GFI1B: variants seen among roughly 807,000 people sequenced by gnomAD.
The protein encoded by GFI1B is zinc finger protein Gfi-1b.
A neutral mutation model predicts 35.3 loss-of-function variants in GFI1B; 20 were observed. The ratio of observed to expected loss-of-function variants is 0.57; its 90% CI spans 0.40 to 0.82. The LOEUF (loss-of-function observed/expected upper bound fraction) is 0.82, where lower values mean the gene tolerates loss of function less well. Among genes scored for constraint, GFI1B ranks in the 40% least tolerant of loss-of-function variants. GFI1B has a pLI of 0.00. For missense variants in GFI1B, 430 were observed against 446.3 expected (o/e 0.96, Z 0.33); for synonymous variants, 178 against 177.6 (o/e 1.00, Z -0.02).
At chr9:132,952,353 T>C (rs571186928) in intron 1 of GFI1B, 1 of 152,324 alleles carries the variant, frequency 6.6e-6, no homozygotes, top group Admixed American at 6.5e-5. Context: ...TCTTGCTCTG[T>C]TGTCCAGGCT....
chr9:132,965,556 G>A (rs1191018239), intron 1 of GFI1B, among the ~76,000 whole-genome samples: 4 of 152,200 alleles, frequency 2.6e-5, no homozygotes, highest in African/African-American at 4.8e-5. Flanking sequence ...TGGATTAGCC[G>A]GCTGGGTTCT....
chr9:132,986,712 G>C lies in GFI1B; in HGVS notation c.34G>C (p.Ala12Pro). Residue 12 changes from alanine to proline, a missense_variant, in exon 2 of 7, where the codon GCT becomes CCT. Coordinates refer to ENST00000372122, the MANE Select transcript of GFI1B (RefSeq NM_001377304.1). The part of the protein sequence containing the change: ...PRSFLVKSKK[A>P]HTYHQPRVQE... ...CTCCTTCCTGGTGAAGAGCAAGAAGGCTCACACCTACCACCAGCCCCGTGT... is the reference window on the plus strand; with the variant it reads ...CTCCTTCCTGGTGAAGAGCAAGAAGCCTCACACCTACCACCAGCCCCGTGT... 6.2e-7 allele frequency: 1 copy of C among 1,612,704 alleles called. No individual in the cohort carries two copies. Among genetic ancestry groups the C allele is most frequent in the Non-Finnish European group, 8.5e-7 (1 of 1,179,346 alleles).
At chr9:132,950,356 T>A (rs1290509884) in intron 1 of GFI1B, among the ~76,000 whole-genome samples, 1 of 151,888 alleles carries the variant, frequency 6.6e-6, no homozygotes, top group Non-Finnish European at 1.5e-5. Context: ...ACTACCCCTA[T>A]CAAATGCATA....
At position 132,989,710 on chromosome 9, in the gene GFI1B, C is replaced by T. The variant is rs1849217068; in HGVS notation, c.649-32C>T. The T allele has an allele frequency of 1.9e-6, 3 of 1,602,778 alleles. No homozygotes were observed. The East Asian group carries it at 6.7e-5, about 36-fold the overall frequency. The stretch of plus-strand genomic sequence containing the variant: ...GCCGGGTCCAGTCCTGAGCCTGCAC[C>T]TGACCCCCCGGGGCCTCATTTCCTC... On this transcript the variant is annotated intron_variant, in intron 5 of 6. Transcript: ENST00000372122. The surrounding 1 kb of genome is among the most constrained non-coding windows in gnomAD (Gnocchi z 6.2).
chr9:132,990,194 C>T lies in GFI1B; in HGVS notation c.814+287C>T, dbSNP rs553055397. On this transcript the variant is annotated intron_variant, in intron 6 of 6. Transcript: ENST00000372122. ...GTTCACTCATTCACTCACTCACTTG[C>T]TCATTCATTTGTTCACTCATTTGCT... 7.9e-5 allele frequency among the ~76,000 whole-genome samples: 12 copies of T among 152,330 alleles called. No individual in the cohort carries two copies. The South Asian group carries it at 1.0e-3, about 13-fold the overall frequency.
intron 1 of GFI1B, among the ~76,000 whole-genome samples, chr9:132,979,887 G>T (rs1162177320): frequency 1.3e-5 from 2 of 152,122 alleles, no homozygotes; most frequent in Non-Finnish European, 2.9e-5. Context: ...GAGTAAATTC[G>T]ATTACAATCT....
At chr9:132,948,970 T>C (rs545814625) in intron 1 of GFI1B, among the ~76,000 whole-genome samples, 1 of 152,296 alleles carries the variant, frequency 6.6e-6, no homozygotes, top group South Asian at 2.1e-4. Flanking sequence ...CCTTCCCACC[T>C]GGCCTGGCCT....
chr9:132,974,689 T>A (rs143170653), upstream of GFI1B, among the ~76,000 whole-genome samples: 1,017 of 146,136 alleles, frequency 7.0e-3, 8 homozygotes, highest in Non-Finnish European at 0.012. Flanking sequence ...GGTGAAGGAA[T>A]AGAAAGTGAC....
downstream of GFI1B, chr9:132,991,717 G>T (rs1468138153): frequency 1.3e-5 from 2 of 156,238 alleles, no homozygotes; most frequent in East Asian, 1.9e-4. Flanking sequence ...CATTTATTAA[G>T]TGCCTATGAG....
chr9:132,949,268 T>TACACACAC lies in GFI1B; in HGVS notation c.-701+3629_-701+3636dup, dbSNP rs36015720. Among the ~76,000 whole-genome samples, 317 of 137,676 alleles carry TACACACAC rather than the reference T, an allele frequency of 2.3e-3. 1 individual carries two copies. The highest frequency in any genetic ancestry group is 7.5e-3 in the Middle Eastern group (2 of 266). 90.3% of individuals were successfully genotyped at this position (137,676 alleles called of 152,430 possible). Reference sequence around the variant, plus strand: ...CTGTGAATCAAGCCAAACCCACAGATACACACACACACACACACACACACA... The same window carrying TACACACAC: ...CTGTGAATCAAGCCAAACCCACAGATACACACACACACACACACACACACACACACACA... On this transcript the variant is annotated intron_variant, in intron 1 of 10. Coordinates refer to the GFI1B transcript ENST00000339463.
At chr9:132,959,586 G>C (rs1236449413) in intron 1 of GFI1B, among the ~76,000 whole-genome samples, 1 of 152,194 alleles carries the variant, frequency 6.6e-6, no homozygotes, top group Non-Finnish European at 1.5e-5. Flanking sequence ...ATTTCCCAGG[G>C]CTGCCATAAC....
upstream of GFI1B, chr9:132,976,726 A>G (rs1588423703): frequency 6.6e-6 from 1 of 152,154 alleles, no homozygotes; most frequent in East Asian, 1.9e-4. Context: ...CTAAATTTCA[A>G]ATAAAAATAA....
At chr9:132,959,802 A>G (rs2132593541) in intron 1 of GFI1B, among the ~76,000 whole-genome samples, 1 of 152,290 alleles carries the variant, frequency 6.6e-6, no homozygotes, top group Middle Eastern at 3.4e-3. Flanking sequence ...GCGTCAGCCC[A>G]GTCTCTGCCT....
upstream of GFI1B, among the ~76,000 whole-genome samples, chr9:132,977,540 C>T (rs77469936): frequency 0.03 from 4,638 of 152,294 alleles, 176 homozygotes; most frequent in East Asian, 0.14. Flanking sequence ...AACATAATAT[C>T]TCCAGCACCC....
At chr9:132,965,396 G>T (rs534222369) in intron 1 of GFI1B, among the ~76,000 whole-genome samples, 75 of 152,322 alleles carry the variant, frequency 4.9e-4, no homozygotes, top group African/African-American at 1.8e-3. Flanking sequence ...TGTGCTGTTC[G>T]TGACAAAATT....
chr9:132,955,608 A>T (rs1374273787), intron 1 of GFI1B, among the ~76,000 whole-genome samples: 4 of 152,194 alleles, frequency 2.6e-5, no homozygotes. Flanking sequence ...AGCTTTTTAA[A>T]TATGTCATTC....
intron 1 of GFI1B, among the ~76,000 whole-genome samples, chr9:132,982,031 G>T (rs1848842097): frequency 6.6e-6 from 1 of 152,328 alleles, no homozygotes; most frequent in South Asian, 2.1e-4. Flanking sequence ...GGGATTACAG[G>T]CGTGAGCCAC....
At chr9:132,987,209 C>A in intron 2 of GFI1B, 73 bp from the exon 3 acceptor site, 1 of 1,493,082 alleles carries the variant, frequency 6.7e-7, no homozygotes, top group South Asian at 1.2e-5. Context: ...CTAGGAAGGG[C>A]GTGCCCTCCT....
upstream of GFI1B, among the ~76,000 whole-genome samples, chr9:132,975,458 T>G (rs951335730): frequency 2.6e-5 from 4 of 152,188 alleles, no homozygotes; most frequent in African/African-American, 4.8e-5. Context: ...AGGCATCAAC[T>G]TAGATATCAC....
Sources: allele counts gnomAD v4.1 joint callset (sites outside exome capture counted in the v4.1 genomes callset), GRCh38; gene constraint gnomAD v4.1.1; non-coding constraint Gnocchi (gnomAD v3.1); transcripts MANE v1.5; gene names NCBI Gene and HGNC (gene_info 2026-07-23, HGNC 2026-07-21).